The following MAGI2 variants were observed in gnomAD, a reference collection of about 807,000 sequenced individuals.
MAGI2 encodes membrane associated guanylate kinase, WW and PDZ domain containing 2.
Under a neutral mutation model 133.3 loss-of-function variants are expected in MAGI2, and 35 were observed. That is an observed-to-expected ratio of 0.26 (90% CI 0.20 to 0.35). MAGI2 has a LOEUF of 0.35. MAGI2 is among the 10% of genes least tolerant of loss of function. The pLI, the probability that MAGI2 is intolerant of heterozygous loss-of-function variation, is 1.00. For missense variants in MAGI2, 1,636 were observed against 1,863.4 expected, an observed-to-expected ratio of 0.88 and a Z score of 2.25; for synonymous variants, 729 against 710.6, an observed-to-expected ratio of 1.03 and a Z score of -0.41.
intron 2 of MAGI2, among the ~76,000 whole-genome samples, chr7:78,954,573 A>C (rs1191198026): frequency 6.6e-6 from 1 of 151,030 alleles, no homozygotes; most frequent in South Asian, 2.1e-4. Flanking sequence ...GTGGATCGAC[A>C]ATATGCCCTG....
chr7:78,103,670 G>A (rs566553763), intron 20 of MAGI2, among the ~76,000 whole-genome samples: 2 of 152,198 alleles, frequency 1.3e-5, no homozygotes, highest in Non-Finnish European at 2.9e-5. Flanking sequence ...CTCCCACAGT[G>A]CCTCACAGTG....
intron 2 of MAGI2, among the ~76,000 whole-genome samples, chr7:78,987,938 C>T (rs1415508804): frequency 2.0e-5 from 3 of 152,018 alleles, no homozygotes; most frequent in African/African-American, 7.2e-5. Context: ...CATTTTGTCT[C>T]AGGATTTGCT....
At chr7:78,439,438 A>G (rs1787380038) in intron 6 of MAGI2, among the ~76,000 whole-genome samples, 1 of 152,180 alleles carries the variant, frequency 6.6e-6, no homozygotes, top group Non-Finnish European at 1.5e-5. Flanking sequence ...TAAACGTGAC[A>G]AAATAGTTGG....
chr7:79,287,885 C>T (rs1836142771), intron 1 of MAGI2, among the ~76,000 whole-genome samples: 1 of 111,504 alleles, frequency 9.0e-6, no homozygotes, highest in Non-Finnish European at 2.1e-5. Flanking sequence ...GAAAATTGTA[C>T]AATGCAATTT....
At chr7:79,334,817 A>C (rs1203829403) in intron 1 of MAGI2, among the ~76,000 whole-genome samples, 3 of 152,152 alleles carry the variant, frequency 2.0e-5, no homozygotes, top group African/African-American at 7.2e-5. Context: ...AGACTGATTA[A>C]ATTCTAGTAC....
At chr7:78,708,412 C>G (rs552323808) in intron 2 of MAGI2, among the ~76,000 whole-genome samples, 164 of 152,282 alleles carry the variant, frequency 1.1e-3, no homozygotes, top group African/African-American at 3.8e-3. Flanking sequence ...AAGAATAATT[C>G]AGAGCCTTTT....
intron 6 of MAGI2, among the ~76,000 whole-genome samples, chr7:78,372,441 C>G (rs1382058476): frequency 6.6e-6 from 1 of 152,106 alleles, no homozygotes; most frequent in African/African-American, 2.4e-5. Flanking sequence ...ATCAGGCAAG[C>G]ATGTAGCTTG....
At chr7:78,631,457 G>A (rs548613181) in intron 2 of MAGI2, among the ~76,000 whole-genome samples, 28 of 152,134 alleles carry the variant, frequency 1.8e-4, no homozygotes, top group Non-Finnish European at 3.4e-4. Flanking sequence ...GATGAGCCCT[G>A]GTGAAGCACC....
At chr7:79,321,414 T>C (rs1288310525) in intron 1 of MAGI2, among the ~76,000 whole-genome samples, 1 of 152,116 alleles carries the variant, frequency 6.6e-6, no homozygotes, top group East Asian at 1.9e-4. Flanking sequence ...AAGTAAAAGA[T>C]GAGGTCGTCT....
At chr7:78,767,729 AACTT>A (rs1429251955) in intron 2 of MAGI2, among the ~76,000 whole-genome samples, 3 of 152,220 alleles carry the variant, frequency 2.0e-5, no homozygotes, top group Admixed American at 2.0e-4. Flanking sequence ...GTTTGCCTGA[AACTT>A]AATTGTTTTA....
chr7:79,168,405 T>C (rs1443202254), intron 1 of MAGI2, among the ~76,000 whole-genome samples: 3 of 152,120 alleles, frequency 2.0e-5, no homozygotes, highest in Non-Finnish European at 4.4e-5. Context: ...ATGTTAGTAC[T>C]TCAGCTTGTA....
chr7:78,924,817 GC>G (rs1799561547), intron 2 of MAGI2, among the ~76,000 whole-genome samples: 1 of 151,422 alleles, frequency 6.6e-6, no homozygotes, highest in Admixed American at 6.6e-5. Context: ...TGGAATACTT[GC>G]TGAAATCCCT....
chr7:78,047,826 T>C (rs3779331), intron 21 of MAGI2, among the ~76,000 whole-genome samples: 41,680 of 152,136 alleles, frequency 0.27, 6,850 homozygotes, highest in African/African-American at 0.47. Flanking sequence ...CTTTCCATGC[T>C]TCAGCCCCAA....
intron 16 of MAGI2, among the ~76,000 whole-genome samples, chr7:78,151,506 G>A (rs1418861224): frequency 1.3e-5 from 2 of 152,134 alleles, no homozygotes; most frequent in African/African-American, 2.4e-5. Context: ...CGGAGAACAA[G>A]GGTTTTGCAA....
chr7:79,238,204 C>T (rs550921979), intron 1 of MAGI2, among the ~76,000 whole-genome samples: 54 of 152,194 alleles, frequency 3.5e-4, no homozygotes, highest in Middle Eastern at 3.4e-3. Context: ...TGATTTCTCA[C>T]CTCTTAGGCT....
At chr7:78,819,549 A>T (rs2151423940) in intron 2 of MAGI2, among the ~76,000 whole-genome samples, 1 of 152,208 alleles carries the variant, frequency 6.6e-6, no homozygotes, top group Admixed American at 6.5e-5. Flanking sequence ...AAATTGAAAC[A>T]GACTAAAAAT....
chr7:78,817,071 T>C (rs1789644279), intron 2 of MAGI2, among the ~76,000 whole-genome samples: 1 of 152,160 alleles, frequency 6.6e-6, no homozygotes, highest in South Asian at 2.1e-4. Context: ...TTTGGATAAA[T>C]TGAATCCAAC....
At chr7:79,148,073 A>G (rs1362190014) in intron 1 of MAGI2, among the ~76,000 whole-genome samples, 2 of 152,188 alleles carry the variant, frequency 1.3e-5, no homozygotes, top group Non-Finnish European at 2.9e-5. Flanking sequence ...TTCTTATGGA[A>G]GAAGACCTTG....
intron 1 of MAGI2, among the ~76,000 whole-genome samples, chr7:79,407,182 C>T (rs1845862036): frequency 6.6e-6 from 1 of 152,144 alleles, no homozygotes; most frequent in Non-Finnish European, 1.5e-5. Context: ...ATGAATTTTA[C>T]ATTTGTAAAA....
Sources: allele counts gnomAD v4.1 joint callset (sites outside exome capture counted in the v4.1 genomes callset), GRCh38; gene constraint gnomAD v4.1.1; transcripts MANE v1.5; gene names NCBI Gene and HGNC (gene_info 2026-07-23, HGNC 2026-07-21).